The following UPP2 variants were observed in gnomAD, a reference collection of about 807,000 sequenced individuals.
The protein encoded by UPP2 is UPase 2.
In UPP2, 23 loss-of-function variants were observed where a neutral mutation model predicts 26.7. That is an observed-to-expected ratio of 0.86 (90% CI 0.62 to 1.22). The LOEUF (loss-of-function observed/expected upper bound fraction) is 1.22. Ranked by LOEUF, UPP2 falls within the 50% of genes most tolerant of loss-of-function variation. UPP2 has a pLI of 0.00. For synonymous variants in UPP2, 127 were observed against 141.3 expected, an observed-to-expected ratio of 0.90 and a Z score of 0.72; for missense variants, 387 against 396.7, an observed-to-expected ratio of 0.98 and a Z score of 0.21.
chr2:158,068,039 T>G (rs1348531727), intron 3 of UPP2, among the ~76,000 whole-genome samples: 1 of 152,232 alleles, frequency 6.6e-6, no homozygotes, highest in Non-Finnish European at 1.5e-5. Context: ...GAAATAACTT[T>G]GAATAATCTT....
rs151301230 is a variant in UPP2, at chr2:158,106,388, C to T, written c.180+172C>T. Among the ~76,000 whole-genome samples the T allele has an allele frequency of 1.3e-3, 194 of 152,248 alleles. 1 individual carries two copies. Among genetic ancestry groups the T allele is most frequent in the African/African-American group, 4.4e-3 (183 of 41,536 alleles). ...TGTGTATATCATGAACAATCATTTC[C>T]ACCTCAACAAGACATAAAGGTTCCC... On this transcript the variant is annotated intron_variant, in intron 2 of 6. Transcript: ENST00000005756.
rs1206990346 is a variant in UPP2 at position 158,134,898 on chromosome 2, AACTGG to A, written c.*9_*13del. 6.2e-7 allele frequency: 1 copy of A among 1,611,094 alleles called. No homozygotes were observed. The highest frequency in any genetic ancestry group is 2.2e-5 in the East Asian group (1 of 44,768). On this transcript the variant is annotated 3_prime_UTR_variant, in exon 7 of 7. Coordinates refer to ENST00000005756, the MANE Select transcript of UPP2 (RefSeq NM_173355.4). ...CTTGGACTTTGTGACTAGACGTCCT[AACTGG>A]GCAGCCCAACCCTCCCCTGCAAGTT...
At chr2:158,003,862 G>T (rs1419945233) in intron 2 of UPP2, among the ~76,000 whole-genome samples, 2 of 152,092 alleles carry the variant, frequency 1.3e-5, no homozygotes, top group African/African-American at 4.8e-5. Flanking sequence ...TTGTGTGTGT[G>T]TATGTGTATT....
chr2:158,110,063 G>C (rs1475126025), intron 2 of UPP2, among the ~76,000 whole-genome samples: 1 of 152,066 alleles, frequency 6.6e-6, no homozygotes, highest in Non-Finnish European at 1.5e-5. Context: ...CTGCAGGTTT[G>C]TTACATATGT....
intron 3 of UPP2, among the ~76,000 whole-genome samples, chr2:158,052,268 G>C (rs1682171650): frequency 6.6e-6 from 1 of 152,136 alleles, no homozygotes; most frequent in Non-Finnish European, 1.5e-5. Flanking sequence ...ATGAGTCTAA[G>C]GTCCAATAAA....
rs13427854 is a variant in UPP2, at chr2:158,039,588, G to A, written c.147+23702G>A. Reference sequence around the variant, plus strand: ...TTTAATGGCCATTGCCGAGAGTCAAGCATAAGACTCAGTGTCCCAACTAAG... The same window carrying A: ...TTTAATGGCCATTGCCGAGAGTCAAACATAAGACTCAGTGTCCCAACTAAG... On this transcript the variant is annotated intron_variant, in intron 3 of 9. Transcript: ENST00000605860. Among the ~76,000 whole-genome samples the A allele has an allele frequency of 4.4e-3, 664 of 152,300 alleles. 9 individuals carry two copies. The highest frequency in any genetic ancestry group is 0.015 in the African/African-American group (624 of 41,568).
chr2:158,011,145 A>G (rs1683569859), intron 2 of UPP2, among the ~76,000 whole-genome samples: 3 of 152,170 alleles, frequency 2.0e-5, no homozygotes, highest in African/African-American at 7.2e-5. Flanking sequence ...CAGAGCTCAT[A>G]CAGAGCGCTG....
rs151087604 is a variant in UPP2, at chr2:158,028,074, A to T, written c.147+12188A>T. Among the ~76,000 whole-genome samples the T allele has an allele frequency of 1.3e-3, 203 of 152,242 alleles. 4 individuals are homozygous for T. The East Asian group carries it at 0.031, about 23-fold the overall frequency. ...TGAAGATCTCTGACATGCCCTGGAG[A>T]CATTTTCTCCATTTTCTTGGAGATT... On this transcript the variant is annotated intron_variant, in intron 3 of 9. Transcript: ENST00000605860.
At chr2:158,078,613 T>C (rs181351822) in intron 3 of UPP2, among the ~76,000 whole-genome samples, 4 of 152,058 alleles carry the variant, frequency 2.6e-5, no homozygotes, top group African/African-American at 9.6e-5. Context: ...GAGTAGAAGA[T>C]GGTTACCAGA....
At chr2:158,062,351 A>G (rs1360575996) in intron 3 of UPP2, among the ~76,000 whole-genome samples, 1 of 152,042 alleles carries the variant, frequency 6.6e-6, no homozygotes, top group Non-Finnish European at 1.5e-5. Flanking sequence ...ACCATATTGG[A>G]CAGTGTAGTT....
At chr2:158,067,754 T>C (rs1013097379) in intron 3 of UPP2, among the ~76,000 whole-genome samples, 6 of 152,190 alleles carry the variant, frequency 3.9e-5, no homozygotes, top group Non-Finnish European at 8.8e-5. Context: ...TGGAGGTACA[T>C]TTTATTTTTA....
chr2:158,010,158 A>C (rs940109865), intron 2 of UPP2, among the ~76,000 whole-genome samples: 1 of 152,236 alleles, frequency 6.6e-6, no homozygotes, highest in Admixed American at 6.5e-5. Flanking sequence ...TTTTCATCGA[A>C]AGCGACAGAA....
chr2:158,058,900 A>G (rs548996734), intron 3 of UPP2, among the ~76,000 whole-genome samples: 1 of 152,312 alleles, frequency 6.6e-6, no homozygotes, highest in Admixed American at 6.5e-5. Context: ...CACAATGCCT[A>G]TGAAAAAGGC....
At chr2:158,090,208 A>G (rs1682884762) in intron 3 of UPP2, among the ~76,000 whole-genome samples, 1 of 152,234 alleles carries the variant, frequency 6.6e-6, no homozygotes, top group Admixed American at 6.5e-5. Flanking sequence ...CCTGTATTAA[A>G]ACATCAAATG....
chr2:158,071,021 G>A (rs1403205381), intron 3 of UPP2, among the ~76,000 whole-genome samples: 1 of 152,178 alleles, frequency 6.6e-6, no homozygotes, highest in Non-Finnish European at 1.5e-5. Context: ...CCCAGTGGTT[G>A]GGACTTGAGT....
chr2:158,046,587 C>T (rs1019593268), intron 3 of UPP2, among the ~76,000 whole-genome samples: 6 of 152,226 alleles, frequency 3.9e-5, no homozygotes, highest in Non-Finnish European at 5.9e-5. Context: ...GTCAATTCTT[C>T]ACTAGTTTGC....
At chr2:158,063,844 G>T (rs1682392753) in intron 3 of UPP2, among the ~76,000 whole-genome samples, 1 of 152,122 alleles carries the variant, frequency 6.6e-6, no homozygotes, top group Non-Finnish European at 1.5e-5. Context: ...AGAACATATG[G>T]TGTTTGGTTT....
intron 6 of UPP2, among the ~76,000 whole-genome samples, chr2:158,124,957 C>A (rs1683660992): frequency 6.6e-6 from 1 of 152,076 alleles, no homozygotes; most frequent in Non-Finnish European, 1.5e-5. Flanking sequence ...AAGTTGAAAG[C>A]ATATAGATGG....
At chr2:158,055,021 T>C (rs1396314142) in intron 3 of UPP2, among the ~76,000 whole-genome samples, 1 of 152,208 alleles carries the variant, frequency 6.6e-6, no homozygotes, top group Non-Finnish European at 1.5e-5. Context: ...CTAGTTTGAC[T>C]ACTCAGATAC....
Sources: allele counts gnomAD v4.1 joint callset (sites outside exome capture counted in the v4.1 genomes callset), GRCh38; gene constraint gnomAD v4.1.1; transcripts MANE v1.5; gene names NCBI Gene and HGNC (gene_info 2026-07-23, HGNC 2026-07-21).